CYP39A1: variants seen among roughly 807,000 people sequenced by gnomAD.
The protein encoded by CYP39A1 is 24-hydroxycholesterol 7-alpha-hydroxylase.
In CYP39A1, 49 loss-of-function variants were observed where a neutral mutation model predicts 58.1. That is an observed-to-expected ratio of 0.84 (90% CI 0.67 to 1.07). CYP39A1 has a LOEUF of 1.07. Ranked by LOEUF, CYP39A1 falls within the 50% of genes least tolerant of loss-of-function variation. CYP39A1 has a pLI of 0.00. For synonymous variants in CYP39A1, 209 were observed against 187.6 expected (o/e 1.11, Z -0.93); for missense variants, 531 against 539.4 (o/e 0.98, Z 0.16).
At chr6:46,592,600 T>C (rs1772905886) in intron 8 of CYP39A1, among the ~76,000 whole-genome samples, 1 of 152,178 alleles carries the variant, frequency 6.6e-6, no homozygotes, top group Non-Finnish European at 1.5e-5. Context: ...ATGTATACTA[T>C]ATCCATATAT....
chr6:46,569,140 C>T (rs1771448037), intron 10 of CYP39A1, among the ~76,000 whole-genome samples: 1 of 151,990 alleles, frequency 6.6e-6, no homozygotes, highest in Non-Finnish European at 1.5e-5. Flanking sequence ...CATTTTTATG[C>T]TATTATAAAT....
intron 11 of CYP39A1, among the ~76,000 whole-genome samples, chr6:46,552,696 A>G (rs1353047736): frequency 6.6e-6 from 1 of 152,154 alleles, no homozygotes; most frequent in Non-Finnish European, 1.5e-5. Flanking sequence ...TTGGATTTAA[A>G]TTGAACTTCC....
chr6:46,646,595 T>C (rs1169796872), intron 1 of CYP39A1, among the ~76,000 whole-genome samples: 5 of 152,146 alleles, frequency 3.3e-5, no homozygotes, highest in Non-Finnish European at 7.4e-5. Context: ...CTGGGAAATG[T>C]TCCTTTGTCT....
intron 10 of CYP39A1, among the ~76,000 whole-genome samples, chr6:46,555,070 C>T (rs929617232): frequency 6.6e-6 from 1 of 152,024 alleles, no homozygotes; most frequent in Non-Finnish European, 1.5e-5. Flanking sequence ...CACACACACA[C>T]ACACGCAATC....
At position 46,586,291 on chromosome 6, in the gene CYP39A1, A is replaced by G. The variant is rs1772468649; in HGVS notation, c.1250+786T>C. On this transcript the variant is annotated intron_variant, in intron 10 of 11. Transcript: ENST00000275016. ...ACAATTTTTTAAATATAAAAATTTA[A>G]TGGATTTCTACATTTATTGAGTGAG... 3 of 981,604 alleles carry G rather than the reference A, an allele frequency of 3.1e-6. No homozygotes were observed. In the South Asian group the frequency reaches 1.4e-4, roughly 46 times the overall value. 60.8% of individuals were successfully genotyped at this position (981,604 alleles called of 1,614,324 possible). A position where few individuals can be genotyped will look rare whatever the true frequency, so the allele number is the denominator to read the frequency against.
intron 7 of CYP39A1, among the ~76,000 whole-genome samples, chr6:46,602,933 G>GA (rs67180154): frequency 0.059 from 7,701 of 130,826 alleles, 556 homozygotes; most frequent in African/African-American, 0.16. Context: ...TGGGGGGGGG[G>GA]AGCTTTATTT....
intron 6 of CYP39A1, among the ~76,000 whole-genome samples, chr6:46,628,573 C>A (rs1019023523): frequency 3.9e-5 from 6 of 152,170 alleles, no homozygotes; most frequent in Admixed American, 3.3e-4. Flanking sequence ...AATGGAGCCT[C>A]CTAGTGACCC....
At chr6:46,623,283 G>A (rs1220828052) in intron 7 of CYP39A1, among the ~76,000 whole-genome samples, 1 of 152,020 alleles carries the variant, frequency 6.6e-6, no homozygotes, top group Admixed American at 6.6e-5. Flanking sequence ...GACTGAGTAG[G>A]GCAGACTGCC....
chr6:46,550,287 G>A lies in CYP39A1; in HGVS notation c.*79C>T. 1 of 1,120,816 alleles carries A rather than the reference G, an allele frequency of 8.9e-7. No homozygotes were observed. The highest frequency in any genetic ancestry group is 2.4e-5 in the East Asian group (1 of 41,578). The allele number at this position is 1,120,816 out of a possible 1,614,324, so 69.4% of individuals were successfully genotyped here. ...CAAAGTGAAGCAGTGTGTTTTTGTA[G>A]AGCTCAGGTCTAGGTGCTGCCAGGT... On this transcript the variant is annotated 3_prime_UTR_variant, in exon 12 of 12. Transcript: ENST00000275016.
At chr6:46,552,189 G>T (rs562002612) in intron 11 of CYP39A1, among the ~76,000 whole-genome samples, 1 of 152,264 alleles carries the variant, frequency 6.6e-6, no homozygotes, top group Admixed American at 6.5e-5. Flanking sequence ...TCTTGCTGGT[G>T]AGAAAATCTT....
intron 10 of CYP39A1, among the ~76,000 whole-genome samples, chr6:46,577,225 A>T (rs1333810190): frequency 2.0e-5 from 3 of 152,212 alleles, no homozygotes; most frequent in Non-Finnish European, 4.4e-5. Flanking sequence ...CAGACAAGAA[A>T]ATGTGAACAG....
intron 7 of CYP39A1, among the ~76,000 whole-genome samples, chr6:46,607,080 T>C (rs992695275): frequency 7.2e-5 from 11 of 152,144 alleles, no homozygotes; most frequent in African/African-American, 2.7e-4. Flanking sequence ...TTCAAACCTA[T>C]GTCTGTCTAT....
intron 3 of CYP39A1, 57 bp from the exon 4 acceptor site, chr6:46,638,035 AG>A: frequency 6.5e-7 from 1 of 1,530,434 alleles, no homozygotes; most frequent in African/African-American, 1.4e-5. Flanking sequence ...AGAAAGGCAA[AG>A]GATACAAAGC....
intron 8 of CYP39A1, 129 bp from the exon 9 acceptor site, chr6:46,588,258 T>C (rs953012678): frequency 9.4e-6 from 3 of 317,580 alleles, no homozygotes; most frequent in Non-Finnish European, 1.7e-5. Context: ...TGTGAGAAAA[T>C]CTAATTTTTA....
chr6:46,557,937 A>G (rs1289342795), intron 10 of CYP39A1, among the ~76,000 whole-genome samples: 1 of 149,144 alleles, frequency 6.7e-6, no homozygotes, highest in Non-Finnish European at 1.5e-5. Flanking sequence ...CCATCTCAAA[A>G]AAAAAAAAAA....
intron 10 of CYP39A1, among the ~76,000 whole-genome samples, chr6:46,558,398 C>T (rs115510847): frequency 0.012 from 1,821 of 152,132 alleles, 31 homozygotes; most frequent in African/African-American, 0.041. Context: ...AGAGAGAAAG[C>T]GAGCAAAGGG....
rs536686641 is a variant in CYP39A1, at chr6:46,592,817, A to T, written c.1065+3170T>A. On this transcript the variant is annotated intron_variant, in intron 8 of 11. Transcript: ENST00000275016. ...CTAAAAATACAAAAATCAACTGGGC[A>T]TGATGGCACACTCCTGTAATCTCAG... is the stretch of plus-strand genomic sequence containing the variant. 3.9e-5 allele frequency among the ~76,000 whole-genome samples: 6 copies of T among 152,258 alleles called. No homozygotes were observed. In the South Asian group the frequency reaches 1.2e-3, roughly 32 times the overall value.
intron 10 of CYP39A1, among the ~76,000 whole-genome samples, chr6:46,585,273 C>T (rs749084297): frequency 2.0e-5 from 3 of 151,976 alleles, no homozygotes; most frequent in Non-Finnish European, 4.4e-5. Flanking sequence ...TAAAATACTG[C>T]TAGCTCCAGG....
chr6:46,638,151 A>G (rs1776107888), intron 3 of CYP39A1, among the ~76,000 whole-genome samples, 173 bp from the exon 4 acceptor site: 1 of 152,268 alleles, frequency 6.6e-6, no homozygotes, highest in Non-Finnish European at 1.5e-5. Flanking sequence ...ACTGTGGTCA[A>G]GATAATACAG....
Sources: allele counts gnomAD v4.1 joint callset (sites outside exome capture counted in the v4.1 genomes callset), GRCh38; gene constraint gnomAD v4.1.1; transcripts MANE v1.5; gene names NCBI Gene and HGNC (gene_info 2026-07-23, HGNC 2026-07-21).